DDAH1: variants seen among roughly 807,000 people sequenced by gnomAD.
DDAH1 encodes the protein N(G),N(G)-dimethylarginine dimethylaminohydrolase 1.
In DDAH1, 19 loss-of-function variants were observed where a neutral mutation model predicts 28.8. The ratio of observed to expected loss-of-function variants is 0.66; its 90% CI spans 0.46 to 0.97. The LOEUF is 0.97. Ranked by LOEUF, DDAH1 falls within the 50% of genes least tolerant of loss-of-function variation. The pLI is 0.00. For missense variants in DDAH1, 326 were observed against 375.9 expected, an observed-to-expected ratio of 0.87 and a Z score of 1.10; for synonymous variants, 153 against 154.4, an observed-to-expected ratio of 0.99 and a Z score of 0.07.
chr1:85,395,418 G>C (rs1383190591), intron 1 of DDAH1, among the ~76,000 whole-genome samples: 1 of 152,114 alleles, frequency 6.6e-6, no homozygotes, highest in Non-Finnish European at 1.5e-5. Context: ...CATGCCTGTA[G>C]TCCCAGCACT....
chr1:85,348,604 A>G (rs965723061), intron 4 of DDAH1, among the ~76,000 whole-genome samples: 2 of 152,108 alleles, frequency 1.3e-5, no homozygotes, highest in Admixed American at 6.6e-5. Flanking sequence ...CTCTCATTGA[A>G]TTCTACCCTG....
chr1:85,403,225 A>G (rs1176603104), intron 1 of DDAH1, among the ~76,000 whole-genome samples: 1 of 68,828 alleles, frequency 1.5e-5, no homozygotes, highest in African/African-American at 4.7e-5. Context: ...ATGTATGTGA[A>G]TATATATGTG....
intron 1 of DDAH1, among the ~76,000 whole-genome samples, chr1:85,562,174 TA>T (rs927142154): frequency 1.1e-4 from 16 of 150,668 alleles, no homozygotes; most frequent in East Asian, 3.9e-4. Flanking sequence ...ATGGCTTTAT[TA>T]AAAAAAAACA....
intron 1 of DDAH1, among the ~76,000 whole-genome samples, chr1:85,371,954 A>C (rs571236752): frequency 6.6e-6 from 1 of 152,106 alleles, no homozygotes; most frequent in South Asian, 2.1e-4. Flanking sequence ...TTTGAGCATG[A>C]TATGCAAGAT....
intron 1 of DDAH1, among the ~76,000 whole-genome samples, chr1:85,508,414 G>A (rs998101436): frequency 1.2e-4 from 18 of 152,298 alleles, no homozygotes; most frequent in African/African-American, 3.4e-4. Context: ...CGCTGAAGAC[G>A]GGTGATTTCC....
intron 1 of DDAH1, among the ~76,000 whole-genome samples, chr1:85,452,056 A>G (rs1271214742): frequency 6.6e-6 from 1 of 152,056 alleles, no homozygotes; most frequent in Admixed American, 6.5e-5. Context: ...TTCCACCTAC[A>G]CTGTTTGTTT....
rs547677726 is a variant in DDAH1, at chr1:85,347,079, C to T, written c.597+3336G>A. 7.2e-5 allele frequency among the ~76,000 whole-genome samples: 11 copies of T among 152,164 alleles called. No individual in the cohort carries two copies. The East Asian group carries it at 2.1e-3, about 29-fold the overall frequency. On this transcript the variant is annotated intron_variant, in intron 4 of 5. Coordinates refer to ENST00000284031, the MANE Select transcript of DDAH1 (RefSeq NM_012137.4). ...AACCACAATGAGATACCATCTCACA[C>T]CAGTTAGAATGGCAATCATTAAAAA...
At chr1:85,502,300 G>A (rs1454621883) in intron 1 of DDAH1, among the ~76,000 whole-genome samples, 1 of 152,116 alleles carries the variant, frequency 6.6e-6, no homozygotes, top group Non-Finnish European at 1.5e-5. Flanking sequence ...ACAACGAGAG[G>A]AAACGACATT....
intron 1 of DDAH1, among the ~76,000 whole-genome samples, chr1:85,515,626 C>G (rs1167941791): frequency 1.3e-5 from 2 of 151,582 alleles, no homozygotes; most frequent in African/African-American, 4.9e-5. Context: ...AGACTGAGCA[C>G]TCTTCGAATA....
At chr1:85,428,898 G>C (rs1470000224) in intron 1 of DDAH1, among the ~76,000 whole-genome samples, 1 of 152,132 alleles carries the variant, frequency 6.6e-6, no homozygotes, top group Non-Finnish European at 1.5e-5. Context: ...ATGGCCAGAG[G>C]AAGCAACATG....
intron 4 of DDAH1, among the ~76,000 whole-genome samples, chr1:85,331,458 A>G (rs1647763729): frequency 1.4e-5 from 2 of 144,240 alleles, no homozygotes; most frequent in South Asian, 4.9e-4. Context: ...TACCCATCTT[A>G]ACATATCAAA....
At chr1:85,483,885 A>G (rs1357600138) in intron 2 of DDAH1, among the ~76,000 whole-genome samples, 1 of 152,192 alleles carries the variant, frequency 6.6e-6, no homozygotes, top group East Asian at 1.9e-4. Context: ...AGAATAGAGC[A>G]TATGATCATA....
upstream of DDAH1, among the ~76,000 whole-genome samples, chr1:85,465,684 G>A (rs1462470035): frequency 6.6e-6 from 1 of 152,048 alleles, no homozygotes; most frequent in Non-Finnish European, 1.5e-5. Context: ...GTGTGTTCGC[G>A]TGTGTGTGTG....
At chr1:85,398,354 T>G (rs1651909681) in intron 1 of DDAH1, 2 of 152,208 alleles carry the variant, frequency 1.3e-5, no homozygotes. Flanking sequence ...TCTGATTATC[T>G]TTGGTAGAAA....
chr1:85,427,545 G>C, intron 1 of DDAH1, among the ~76,000 whole-genome samples: 1 of 152,250 alleles, frequency 6.6e-6, no homozygotes, highest in South Asian at 2.1e-4. Flanking sequence ...AGTACAAAAC[G>C]CTTGTGTCTT....
chr1:85,446,726 C>T (rs1654443503), intron 1 of DDAH1, among the ~76,000 whole-genome samples: 1 of 152,108 alleles, frequency 6.6e-6, no homozygotes, highest in Admixed American at 6.6e-5. Context: ...GCCACCCCTC[C>T]CCCAATCCTC....
In DDAH1 at chr1:85,566,607, T is replaced by C. The variant is rs191024636; in HGVS notation, c.-123+11377A>G. Reference sequence around the variant, plus strand: ...ATTTAAATATAAAGACACAAGTAGGTTAAAAGCAAAAGGATTTTTCAAATA... The same window carrying C: ...ATTTAAATATAAAGACACAAGTAGGCTAAAAGCAAAAGGATTTTTCAAATA... On this transcript the variant is annotated intron_variant, in intron 1 of 6. Transcript: ENST00000426972. Among the ~76,000 whole-genome samples the C allele has an allele frequency of 4.7e-3, 716 of 151,532 alleles. 2 individuals carry two copies. The highest frequency in any genetic ancestry group is 0.014 in the Middle Eastern group (4 of 294).
intron 1 of DDAH1, chr1:85,380,602 A>C (rs1015067207): frequency 9.9e-5 from 15 of 152,224 alleles, no homozygotes; most frequent in African/African-American, 3.6e-4. Flanking sequence ...AGGCAGGCAT[A>C]ACGTAGAAAA....
At chr1:85,336,272 A>T (rs1648113133) in intron 4 of DDAH1, among the ~76,000 whole-genome samples, 1 of 152,152 alleles carries the variant, frequency 6.6e-6, no homozygotes, top group Non-Finnish European at 1.5e-5. Context: ...AACAAATGTT[A>T]AAAAATCAAA....
Sources: gnomAD v4.1 joint callset for allele counts (sites outside exome capture counted in the v4.1 genomes callset) on GRCh38, gnomAD v4.1.1 for gene constraint, MANE v1.5 for transcripts, NCBI Gene and HGNC (gene_info 2026-07-23, HGNC 2026-07-21) for gene names.